AMZ1: variants seen among roughly 807,000 people sequenced by gnomAD.
The protein encoded by AMZ1 is archaelysin family metallopeptidase 1.
In AMZ1, 39 loss-of-function variants were observed where a neutral mutation model predicts 29.9. The ratio of observed to expected loss-of-function variants is 1.30; its 90% CI spans 1.01 to 1.70. The LOEUF is 1.70. AMZ1 is among the 40% of genes most tolerant of loss of function. AMZ1 has a pLI of 0.00. For missense variants in AMZ1, 1,041 were observed against 680.6 expected, an observed-to-expected ratio of 1.53 and a Z score of -5.89; for synonymous variants, 458 against 304.0, an observed-to-expected ratio of 1.51 and a Z score of -5.27.
rs1343270701 is a variant in AMZ1 at position 2,717,605 on chromosome 7, G to A, written c.*4727G>A. Among the ~76,000 whole-genome samples the A allele has an allele frequency of 6.6e-6, 1 of 152,222 alleles. No homozygotes were observed. The highest frequency in any genetic ancestry group is 1.5e-5 in the Non-Finnish European group (1 of 68,054). On this transcript the variant is annotated 3_prime_UTR_variant, in exon 7 of 7. Coordinates refer to ENST00000683327, the MANE Select transcript of AMZ1 (RefSeq NM_001384743.1). ...AGCAAATTTATGGCTCTTGGAACAC[G>A]AGGCTGTCAAAGATAAACACCGCAG...
At chr7:2,699,043 G>A (rs577625939) in intron 1 of AMZ1, among the ~76,000 whole-genome samples, 13 of 152,210 alleles carry the variant, frequency 8.5e-5, no homozygotes, top group African/African-American at 2.9e-4. Flanking sequence ...GTCCTTAGCT[G>A]CACCTGCCTT....
intron 1 of AMZ1, among the ~76,000 whole-genome samples, chr7:2,696,466 C>G (rs181425715): frequency 1.3e-5 from 2 of 149,750 alleles, no homozygotes; most frequent in African/African-American, 4.9e-5. Context: ...ACCATGTTAG[C>G]CAGGATGGTC....
rs774728197 is a variant in AMZ1, at chr7:2,700,601, G to T, written c.150G>T (p.Pro50=). ...ERLFLAEAYN[P]QRTLFCTLLI... ...TCTTCCTGGCCGAGGCCTACAACCC[G>T]CAGAGGACGCTCTTCTGCACCCTGC... The change falls in exon 2 of 7, where the codon CCG becomes CCT. Residue 50 remains proline, a synonymous_variant. Transcript: ENST00000683327. The T allele has an allele frequency of 1.2e-6, 2 of 1,610,336 alleles. No homozygotes were observed. The highest frequency in any genetic ancestry group is 1.7e-6 in the Non-Finnish European group (2 of 1,179,962).
chr7:2,698,718 C>G (rs1265182143), intron 1 of AMZ1, among the ~76,000 whole-genome samples: 1 of 152,032 alleles, frequency 6.6e-6, no homozygotes, highest in Non-Finnish European at 1.5e-5. Flanking sequence ...ACTTTGTATT[C>G]CCAGCTACTT....
chr7:2,726,057 C>G (rs1789603087), intron 4 of AMZ1, among the ~76,000 whole-genome samples: 1 of 152,212 alleles, frequency 6.6e-6, no homozygotes, highest in Non-Finnish European at 1.5e-5. Flanking sequence ...TTAAAGTGGC[C>G]TGTCCTCTTC....
chr7:2,743,445 A>G (rs1583222839), intron 4 of AMZ1, among the ~76,000 whole-genome samples: 1 of 152,248 alleles, frequency 6.6e-6, no homozygotes. Context: ...AATATCCCAG[A>G]TACTGGGATG....
At chr7:2,725,120 C>T (rs1425399597) in intron 4 of AMZ1, among the ~76,000 whole-genome samples, 2 of 152,240 alleles carry the variant, frequency 1.3e-5, no homozygotes, top group African/African-American at 4.8e-5. Flanking sequence ...TCTGCGAGCG[C>T]ACCCTGTGAA....
At chr7:2,736,572 G>C (rs551170268) in intron 4 of AMZ1, among the ~76,000 whole-genome samples, 1 of 152,068 alleles carries the variant, frequency 6.6e-6, no homozygotes, top group Non-Finnish European at 1.5e-5. Context: ...GTTGATATGG[G>C]GCCTGTGCAC....
intron 1 of AMZ1, among the ~76,000 whole-genome samples, chr7:2,692,094 A>C (rs1017601784): frequency 6.6e-6 from 1 of 152,170 alleles, no homozygotes. Context: ...CGGTACCCAG[A>C]AACTACAAAA....
chr7:2,746,641 C>T (rs146850591), intron 4 of AMZ1, among the ~76,000 whole-genome samples: 3,569 of 152,102 alleles, frequency 0.023, 95 homozygotes, highest in Middle Eastern at 0.075. Flanking sequence ...ATTCAAAAGC[C>T]AGCAGAAGGC....
At chr7:2,759,254 G>T (rs1485183849) in intron 4 of AMZ1, among the ~76,000 whole-genome samples, 1 of 152,106 alleles carries the variant, frequency 6.6e-6, no homozygotes, top group Admixed American at 6.5e-5. Context: ...GTCATAAAAT[G>T]GTTATACTGT....
At chr7:2,765,033 A>T (rs557475373) in intron 1 of AMZ1, 1 of 152,390 alleles carries the variant, frequency 6.6e-6, no homozygotes, top group East Asian at 1.9e-4. Flanking sequence ...AAGGAAAGGA[A>T]GCATAATCTC....
Position 2,731,748 on chromosome 7 carries a change from A to G in AMZ1, n.550+21932A>G. The G allele has an allele frequency of 1.3e-6, 2 of 1,498,952 alleles. No homozygotes were observed. Among genetic ancestry groups the G allele is most frequent in the Middle Eastern group, 1.8e-4 (1 of 5,610 alleles). 92.9% of individuals were successfully genotyped at this position (1,498,952 alleles called of 1,614,324 possible). A position where few individuals can be genotyped will look rare whatever the true frequency, so the allele number is the denominator to read the frequency against. On this transcript the variant is annotated intron_variant and non_coding_transcript_variant, in intron 4 of 4. Transcript: ENST00000489665. This position sits in a 1 kb window ranked among gnomAD's most constrained non-coding sequence, Gnocchi z 6.0. ...GGATATCTTGCTTACTAGGAAAGTA[A>G]TTCTGTAAAATACAGGATGAGGCAG...
rs1470394254 is a variant in AMZ1, at chr7:2,709,188, C to A, written c.715C>A (p.Gln239Lys). ...AAADGPEAPL[Q>K]DRGWALCFSA... ...AGCAGACGGCCCCGAGGCCCCCCTGCAGGACAGGGGCTGGGCCCTGTGCTT... is the reference window on the plus strand; with the variant it reads ...AGCAGACGGCCCCGAGGCCCCCCTGAAGGACAGGGGCTGGGCCCTGTGCTT... Residue 239 changes from glutamine (Q) to lysine (K), a missense_variant, in exon 5 of 7, where the codon CAG becomes AAG. Gln to Lys is a moderately conservative substitution (Grantham distance 53, BLOSUM62 1). Coordinates refer to ENST00000683327, the MANE Select transcript of AMZ1 (RefSeq NM_001384743.1). 2.6e-6 allele frequency: 4 copies of A among 1,537,478 alleles called. No homozygotes were observed. Among genetic ancestry groups the A allele is most frequent in the African/African-American group, 1.4e-5 (1 of 72,096 alleles).
chr7:2,703,269 G>C (rs1365848026), intron 3 of AMZ1, among the ~76,000 whole-genome samples: 1 of 152,094 alleles, frequency 6.6e-6, no homozygotes, highest in African/African-American at 2.4e-5. Flanking sequence ...TCAGCCTTCT[G>C]AGTAGCTGGG....
chr7:2,741,549 C>T (rs552032055), intron 4 of AMZ1, among the ~76,000 whole-genome samples: 27 of 152,196 alleles, frequency 1.8e-4, no homozygotes, highest in African/African-American at 6.0e-4. Flanking sequence ...TAGCCAGAAC[C>T]CAAATTCCAA....
At chr7:2,704,016 G>A (rs778347979) in intron 3 of AMZ1, among the ~76,000 whole-genome samples, 4 of 152,194 alleles carry the variant, frequency 2.6e-5, no homozygotes, top group East Asian at 1.9e-4. Flanking sequence ...AGCCTCCCGC[G>A]TAGCTGGGAC....
At chr7:2,742,402 A>C (rs1310564620) in intron 4 of AMZ1, among the ~76,000 whole-genome samples, 1 of 151,992 alleles carries the variant, frequency 6.6e-6, no homozygotes, top group Non-Finnish European at 1.5e-5. Flanking sequence ...GACAGTTTCG[A>C]GATGATTTTC....
chr7:2,695,423 A>G (rs1026599523), intron 1 of AMZ1, among the ~76,000 whole-genome samples: 5 of 152,012 alleles, frequency 3.3e-5, no homozygotes, highest in Non-Finnish European at 7.4e-5. Flanking sequence ...ATGCTTGAAA[A>G]TCTGCATGTT....
Sources: allele counts gnomAD v4.1 joint callset (sites outside exome capture counted in the v4.1 genomes callset), GRCh38; gene constraint gnomAD v4.1.1; non-coding constraint Gnocchi (gnomAD v3.1); transcripts MANE v1.5; gene names NCBI Gene and HGNC (gene_info 2026-07-23, HGNC 2026-07-21).